Variants in ANKRD44 observed in about 807,000 individuals in gnomAD.
ANKRD44 encodes ankyrin repeat domain 44.
Under a neutral mutation model 116.0 loss-of-function variants are expected in ANKRD44, and 35 were observed. The observed-to-expected ratio is 0.30, with a 90% CI of 0.23 to 0.40. The LOEUF (loss-of-function observed/expected upper bound fraction) is 0.40. ANKRD44 is among the 10% of genes least tolerant of loss of function. The pLI is 1.00. For synonymous variants in ANKRD44, 435 were observed against 461.8 expected (o/e 0.94, Z 0.74); for missense variants, 1,014 against 1,242.6 (o/e 0.82, Z 2.77).
intron 7 of ANKRD44, 25 bp downstream of exon 7, chr2:197,122,625 C>T: frequency 6.2e-7 from 1 of 1,608,288 alleles, no homozygotes; most frequent in South Asian, 1.1e-5. Flanking sequence ...ACTGGCCATG[C>T]ATTGATGCAT....
intron 1 of ANKRD44, among the ~76,000 whole-genome samples, chr2:197,226,003 A>T (rs2081702742): frequency 6.6e-6 from 1 of 152,190 alleles, no homozygotes; most frequent in Non-Finnish European, 1.5e-5. Flanking sequence ...GTCTCACTAA[A>T]AACAGGCTTT....
intron 2 of ANKRD44, among the ~76,000 whole-genome samples, chr2:197,170,849 G>A (rs2080215445): frequency 6.6e-6 from 1 of 152,160 alleles, no homozygotes. Context: ...GCGGCTTCAT[G>A]TTTGGGGCAC....
intron 10 of ANKRD44, chr2:197,099,441 T>C: frequency 5.9e-6 from 5 of 854,506 alleles, no homozygotes; most frequent in Non-Finnish European, 7.1e-6. Flanking sequence ...TCTATAACCA[T>C]ATCATTAAAG....
intron 16 of ANKRD44, among the ~76,000 whole-genome samples, chr2:197,064,962 A>G (rs1448225904): frequency 2.6e-5 from 4 of 152,206 alleles, no homozygotes; most frequent in Non-Finnish European, 5.9e-5. Flanking sequence ...CCTAATAGAC[A>G]TCTACAGAAC....
intron 8 of ANKRD44, among the ~76,000 whole-genome samples, chr2:197,114,815 T>A (rs755432908): frequency 1.3e-5 from 2 of 152,206 alleles, no homozygotes; most frequent in African/African-American, 2.4e-5. Flanking sequence ...GTCTTCCTAA[T>A]TCAATGCAAG....
chr2:197,292,454 T>C (rs183464592), intron 1 of ANKRD44, among the ~76,000 whole-genome samples: 142 of 152,322 alleles, frequency 9.3e-4, no homozygotes, highest in Non-Finnish European at 1.7e-3. Flanking sequence ...ATTTTTTAAG[T>C]GAAGGTGGGA....
chr2:197,021,028 A>G (rs1187346749), intron 17 of ANKRD44, among the ~76,000 whole-genome samples: 1 of 151,990 alleles, frequency 6.6e-6, no homozygotes, highest in Non-Finnish European at 1.5e-5. Flanking sequence ...GTTTTCACCT[A>G]TGAGTGAGAA....
chr2:196,972,891 C>T (rs183965410), intron 21 of ANKRD44, among the ~76,000 whole-genome samples: 2 of 152,300 alleles, frequency 1.3e-5, no homozygotes, highest in Non-Finnish European at 2.9e-5. Context: ...CAGATTTTAT[C>T]ATTCACATTT....
chr2:197,227,895 T>G (rs574257603), intron 1 of ANKRD44, among the ~76,000 whole-genome samples: 4 of 152,246 alleles, frequency 2.6e-5, no homozygotes, highest in Admixed American at 6.5e-5. Flanking sequence ...TATAAAAGCA[T>G]ATTTATAATA....
chr2:197,279,481 T>C (rs1305748784), intron 1 of ANKRD44, among the ~76,000 whole-genome samples: 1 of 152,114 alleles, frequency 6.6e-6, no homozygotes, highest in Non-Finnish European at 1.5e-5. Flanking sequence ...TAGCGGGTTT[T>C]CACAAACTGG....
intron 1 of ANKRD44, among the ~76,000 whole-genome samples, chr2:197,262,317 C>T (rs1034153610): frequency 3.3e-5 from 5 of 152,002 alleles, no homozygotes; most frequent in African/African-American, 1.2e-4. Flanking sequence ...AATATGATTC[C>T]CCACAGAGGT....
At chr2:197,282,499 A>G (rs1685340457) in intron 1 of ANKRD44, among the ~76,000 whole-genome samples, 1 of 152,012 alleles carries the variant, frequency 6.6e-6, no homozygotes, top group African/African-American at 2.4e-5. Flanking sequence ...GGCTGTTGGA[A>G]TGGTTTTGAT....
rs1252134553 is a variant in ANKRD44 at position 196,980,975 on chromosome 2, GC to G, written c.2368+12607del. 3.3e-5 allele frequency among the ~76,000 whole-genome samples: 5 copies of G among 152,080 alleles called. 1 individual carries two copies. The highest frequency in any genetic ancestry group is 1.2e-4 in the African/African-American group (5 of 41,460). On this transcript the variant is annotated intron_variant, in intron 21 of 21. Transcript: ENST00000424317. ...ATAGCTTTTCCTATTTGTCATGTTG[GC>G]CTCCTCAGATTTTTACTTCTTCACA...
chr2:197,149,856 C>T (rs1377011786), intron 2 of ANKRD44, among the ~76,000 whole-genome samples: 1 of 152,106 alleles, frequency 6.6e-6, no homozygotes, highest in Non-Finnish European at 1.5e-5. Flanking sequence ...GGCCACTCTA[C>T]TTTGCCATAA....
intron 19 of ANKRD44, among the ~76,000 whole-genome samples, chr2:197,008,180 C>A (rs559400069): frequency 6.6e-6 from 1 of 152,276 alleles, no homozygotes; most frequent in Admixed American, 6.5e-5. Flanking sequence ...TCAAAATATT[C>A]ATGTTAATCC....
At chr2:197,167,962 T>C (rs1159859641) in intron 2 of ANKRD44, among the ~76,000 whole-genome samples, 1 of 152,230 alleles carries the variant, frequency 6.6e-6, no homozygotes, top group Non-Finnish European at 1.5e-5. Context: ...CTGTAACATA[T>C]AATTCAGAGA....
Position 196,987,886 on chromosome 2 carries a change from A to C in ANKRD44, c.*1705T>G. The C allele has an allele frequency of 7.1e-6, 7 of 982,692 alleles. No individual in the cohort carries two copies. Among genetic ancestry groups the C allele is most frequent in the Non-Finnish European group, 8.5e-6 (7 of 827,466 alleles). The allele number at this position is 982,692 out of a possible 1,614,324, so 60.9% of individuals were successfully genotyped here. A position where few individuals can be genotyped will look rare whatever the true frequency, so the allele number is the denominator to read the frequency against. On this transcript the variant is annotated 3_prime_UTR_variant, in exon 28 of 28. Coordinates refer to ENST00000282272, the MANE Select transcript of ANKRD44 (RefSeq NM_001195144.2). Reference sequence around the variant, plus strand: ...ATGGTGCAAACATAATTTTATTTCTAAGAGATGTAATTAAAATACAGAAAT... The same window carrying C: ...ATGGTGCAAACATAATTTTATTTCTCAGAGATGTAATTAAAATACAGAAAT...
At chr2:196,970,763 G>A (rs1433636984) in intron 21 of ANKRD44, among the ~76,000 whole-genome samples, 1 of 152,194 alleles carries the variant, frequency 6.6e-6, no homozygotes, top group African/African-American at 2.4e-5. Flanking sequence ...GTGCAGTGGT[G>A]TGATCAGGGC....
chr2:197,266,112 C>T (rs2082734729), intron 1 of ANKRD44, among the ~76,000 whole-genome samples: 1 of 152,090 alleles, frequency 6.6e-6, no homozygotes, highest in African/African-American at 2.4e-5. Flanking sequence ...AATGATTGCT[C>T]ATGCAAGCAG....
Sources: gnomAD v4.1 joint callset for allele counts (sites outside exome capture counted in the v4.1 genomes callset) on GRCh38, gnomAD v4.1.1 for gene constraint, MANE v1.5 for transcripts, NCBI Gene and HGNC (gene_info 2026-07-23, HGNC 2026-07-21) for gene names.